Variants in NTM observed in about 807,000 individuals in gnomAD.
The protein encoded by NTM is IgLON family member 2.
Under a neutral mutation model 42.1 loss-of-function variants are expected in NTM, and 13 were observed. The ratio of observed to expected loss-of-function variants is 0.31; its 90% CI spans 0.20 to 0.49. NTM has a LOEUF of 0.49. Among genes scored for constraint, NTM ranks in the 20% least tolerant of loss-of-function variants. The pLI is 0.99. For synonymous variants in NTM, 187 were observed against 179.2 expected (o/e 1.04, Z -0.35); for missense variants, 373 against 452.8 (o/e 0.82, Z 1.60).
chr11:131,468,755 A>G (rs1287289738), intron 1 of NTM, among the ~76,000 whole-genome samples: 1 of 152,212 alleles, frequency 6.6e-6, no homozygotes, highest in Non-Finnish European at 1.5e-5. Context: ...AAAAGTTTGC[A>G]TATCTTCAAA....
At chr11:131,919,115 CTT>C (rs11395451) in intron 2 of NTM, among the ~76,000 whole-genome samples, 1 of 145,884 alleles carries the variant, frequency 6.9e-6, no homozygotes, top group Admixed American at 6.8e-5. Flanking sequence ...AAAACGCTTC[CTT>C]TTTTTTTTTT....
intron 1 of NTM, among the ~76,000 whole-genome samples, chr11:131,531,505 G>A (rs1356937524): frequency 6.6e-6 from 1 of 152,190 alleles, no homozygotes; most frequent in African/African-American, 2.4e-5. Context: ...TAGTGAAGTG[G>A]AACTTAAGGA....
At chr11:131,556,438 AC>A (rs2055423891) in intron 1 of NTM, among the ~76,000 whole-genome samples, 1 of 152,226 alleles carries the variant, frequency 6.6e-6, no homozygotes, top group South Asian at 2.1e-4. Flanking sequence ...AAGTCAGAGT[AC>A]CCAAGTTTAA....
At chr11:132,243,804 C>T (rs2090607846) in intron 4 of NTM, among the ~76,000 whole-genome samples, 1 of 152,138 alleles carries the variant, frequency 6.6e-6, no homozygotes, top group African/African-American at 2.4e-5. Flanking sequence ...GACTCTTGCC[C>T]AGTAGTCCAC....
At chr11:131,966,356 T>C (rs1445284467) in intron 2 of NTM, among the ~76,000 whole-genome samples, 1 of 152,148 alleles carries the variant, frequency 6.6e-6, no homozygotes, top group Non-Finnish European at 1.5e-5. Context: ...TCACAGAGCT[T>C]ACATTCTAGT....
intron 1 of NTM, among the ~76,000 whole-genome samples, chr11:131,761,304 T>C (rs1267469874): frequency 1.3e-5 from 2 of 151,996 alleles, no homozygotes; most frequent in Admixed American, 6.6e-5. Context: ...GCTGAAGTCA[T>C]TTAGGATCCA....
At chr11:131,549,216 A>G (rs966951821) in intron 1 of NTM, among the ~76,000 whole-genome samples, 44 of 152,296 alleles carry the variant, frequency 2.9e-4, no homozygotes, top group African/African-American at 1.0e-3. Flanking sequence ...CAGCAGAAGC[A>G]TGGAGGCATA....
intron 4 of NTM, among the ~76,000 whole-genome samples, chr11:132,307,230 T>C (rs2095120135): frequency 6.6e-6 from 1 of 152,176 alleles, no homozygotes; most frequent in Non-Finnish European, 1.5e-5. Context: ...TGTGTGTGTA[T>C]GTGTATGTAG....
At chr11:131,822,753 A>T (rs1451111327) in intron 1 of NTM, among the ~76,000 whole-genome samples, 1 of 152,178 alleles carries the variant, frequency 6.6e-6, no homozygotes, top group Non-Finnish European at 1.5e-5. Context: ...ATTCCATAGG[A>T]TAGGGCAAAT....
At chr11:131,700,079 G>A (rs955921312) in intron 1 of NTM, among the ~76,000 whole-genome samples, 1 of 152,102 alleles carries the variant, frequency 6.6e-6, no homozygotes, top group African/African-American at 2.4e-5. Context: ...CATGTATAGT[G>A]ATGTTGGGCA....
At chr11:132,092,684 G>A (rs2060510872) in intron 2 of NTM, among the ~76,000 whole-genome samples, 1 of 152,134 alleles carries the variant, frequency 6.6e-6, no homozygotes, top group Non-Finnish European at 1.5e-5. Context: ...CTCAGTCATT[G>A]TTTTCTTGAT....
chr11:131,835,118 C>T (rs2043323314), intron 1 of NTM, among the ~76,000 whole-genome samples: 1 of 152,084 alleles, frequency 6.6e-6, no homozygotes, highest in Non-Finnish European at 1.5e-5. Context: ...ATAAGCAGAA[C>T]AGGAAATTTT....
intron 2 of NTM, among the ~76,000 whole-genome samples, chr11:131,940,987 G>A (rs78289251): frequency 6.6e-6 from 1 of 152,140 alleles, no homozygotes; most frequent in Non-Finnish European, 1.5e-5. Flanking sequence ...TTTCCTCTTC[G>A]ATGATTCTGC....
At chr11:132,328,633 ACTGT>A (rs553771475) in intron 7 of NTM, among the ~76,000 whole-genome samples, 159 of 152,180 alleles carry the variant, frequency 1.0e-3, no homozygotes, top group Non-Finnish European at 1.5e-3. Flanking sequence ...TACGCCCATC[ACTGT>A]CTGGATGAGC....
chr11:131,719,777 T>A (rs2135387451), intron 1 of NTM, among the ~76,000 whole-genome samples: 1 of 152,264 alleles, frequency 6.6e-6, no homozygotes, highest in Admixed American at 6.5e-5. Flanking sequence ...TCATCATGCA[T>A]TACCTCCGCT....
chr11:132,262,394 A>G (rs1413844172), intron 4 of NTM, among the ~76,000 whole-genome samples: 1 of 152,184 alleles, frequency 6.6e-6, no homozygotes, highest in Non-Finnish European at 1.5e-5. Context: ...CTATAACAAA[A>G]TACCATAGAT....
rs1257639003 is a variant in NTM at position 131,370,906 on chromosome 11, A to G, written c.82+18A>G. 2 of 1,613,272 alleles carry G rather than the reference A, an allele frequency of 1.2e-6. No individual in the cohort carries two copies. Among genetic ancestry groups the G allele is most frequent in the East Asian group, 4.5e-5 (2 of 44,860 alleles). On this transcript the variant is annotated intron_variant, in intron 1 of 8. Coordinates refer to ENST00000683400, the MANE Select transcript of NTM (RefSeq NM_001352005.2). Reference sequence around the variant, plus strand: ...CTTCCAAGGTAAGAGCTTGCTATTGATTTGCCTTCGGTAGACCCAGGAATT... The same window carrying G: ...CTTCCAAGGTAAGAGCTTGCTATTGGTTTGCCTTCGGTAGACCCAGGAATT...
chr11:131,571,409 G>A (rs1318514855), intron 1 of NTM, among the ~76,000 whole-genome samples: 1 of 152,174 alleles, frequency 6.6e-6, no homozygotes, highest in Non-Finnish European at 1.5e-5. Context: ...CTACCCAGGA[G>A]AAAACTGAGC....
intron 1 of NTM, among the ~76,000 whole-genome samples, chr11:131,570,751 A>T (rs1257857064): frequency 6.6e-6 from 1 of 152,248 alleles, no homozygotes; most frequent in Admixed American, 6.5e-5. Flanking sequence ...TGAACCCAGG[A>T]GGCAGGTGTT....
Sources: allele counts gnomAD v4.1 joint callset (sites outside exome capture counted in the v4.1 genomes callset), GRCh38; gene constraint gnomAD v4.1.1; transcripts MANE v1.5; gene names NCBI Gene and HGNC (gene_info 2026-07-23, HGNC 2026-07-21).